INTS10: variants seen among roughly 807,000 people sequenced by gnomAD.
The protein encoded by INTS10 is integrator complex subunit 10.
INTS10 carries 44 observed loss-of-function variants against 94.4 expected under a neutral mutation model. That is an observed-to-expected ratio of 0.47 (90% CI 0.37 to 0.60). The LOEUF (loss-of-function observed/expected upper bound fraction) is 0.60. Ranked by LOEUF, INTS10 falls within the 20% of genes least tolerant of loss-of-function variation. The probability of loss-of-function intolerance (pLI) is 0.00; values close to 1 mark genes in which losing one functional copy is unlikely to be tolerated. For missense variants in INTS10, 797 were observed against 868.7 expected (o/e 0.92, Z 1.04); for synonymous variants, 341 against 320.7 (o/e 1.06, Z -0.68).
In INTS10 at chr8:19,843,019, A is replaced by C. The variant is rs544420447; in HGVS notation, c.1719+92A>C. The stretch of plus-strand genomic sequence containing the variant: ...CTTGAGAACCTTGCTAAGGATTGTT[A>C]TTTTAGTACTTTTGAGGGCAGGCCC... On this transcript the variant is annotated intron_variant, in intron 14 of 16. Coordinates refer to ENST00000397977, the MANE Select transcript of INTS10 (RefSeq NM_018142.4). The surrounding 1 kb of genome is among the most constrained non-coding windows in gnomAD (Gnocchi z 4.7). 9.6e-5 allele frequency: 88 copies of C among 916,928 alleles called. 1 individual carries two copies. The South Asian group carries it at 1.2e-3, about 12-fold the overall frequency. The allele number at this position is 916,928 out of a possible 1,614,324, so 56.8% of individuals were successfully genotyped here.
Position 19,820,503 on chromosome 8 carries a change from G to T in INTS10, c.426G>T (p.Thr142=). The T allele has an allele frequency of 6.2e-7, 1 of 1,612,366 alleles. No individual in the cohort carries two copies. Among genetic ancestry groups the T allele is most frequent in the South Asian group, 1.1e-5 (1 of 90,946 alleles). ...TACTTTTGAGGCGCTTCCCTGAAACGGTGGTGCAGCATGGGGTGAGATTTG... is the reference window on the plus strand; with the variant it reads ...TACTTTTGAGGCGCTTCCCTGAAACTGTGGTGCAGCATGGGGTGAGATTTG... ...LLLLLRRFPE[T]VVQHGVGLGE... The change falls in exon 4 of 17, where the codon ACG becomes ACT. Residue 142 remains threonine, a synonymous_variant. Transcript: ENST00000397977.
chr8:19,820,648 G>T, intron 4 of INTS10, 130 bp downstream of exon 4: 1 of 714,456 alleles, frequency 1.4e-6, no homozygotes, highest in Non-Finnish European at 2.1e-6. Flanking sequence ...TGAAATAGAA[G>T]GTTCTTTGTT....
chr8:19,841,689 TAA>T (rs1315755737), intron 13 of INTS10: 2 of 397,006 alleles, frequency 5.0e-6, no homozygotes, highest in Non-Finnish European at 1.0e-5. Flanking sequence ...GGAAGGTGTA[TAA>T]AGTCATGCAA....
In INTS10 at chr8:19,837,136, A is replaced by G; in HGVS notation, c.1615A>G (p.Lys539Glu). Reference sequence around the variant, plus strand: ...AGGCAAATCCCAGGAGGAACCCTCGAAAGTAAAGCCCAAATTTAGAAAAGG... The same window carrying G: ...AGGCAAATCCCAGGAGGAACCCTCGGAAGTAAAGCCCAAATTTAGAAAAGG... ...DGGKSQEEPSKVKPKFRKGSD... is the reference protein window; with the variant it reads ...DGGKSQEEPSEVKPKFRKGSD... The change falls in exon 13 of 17, where the codon AAA becomes GAA. Residue 539 changes from lysine (K) to glutamate (E), a missense_variant. Physicochemically the swap from Lys to Glu is moderately conservative, Grantham distance 56. Transcript: ENST00000397977. 1 of 1,610,338 alleles carries G rather than the reference A, an allele frequency of 6.2e-7. No individual in the cohort carries two copies. Among genetic ancestry groups the G allele is most frequent in the Non-Finnish European group, 8.5e-7 (1 of 1,176,494 alleles).
At position 19,851,334 on chromosome 8, in the gene INTS10, G is replaced by A. The variant is rs536138692; in HGVS notation, c.1977-315G>A. 1.3e-5 allele frequency among the ~76,000 whole-genome samples: 2 copies of A among 152,312 alleles called. No homozygotes were observed. Among genetic ancestry groups the A allele is most frequent in the Non-Finnish European group, 2.9e-5 (2 of 68,026 alleles). ...ATTTGGCCCTAAGTAACTGAATTGTGTACCAGTCAGCAGTAGGGATGCATA... is the reference window on the plus strand; with the variant it reads ...ATTTGGCCCTAAGTAACTGAATTGTATACCAGTCAGCAGTAGGGATGCATA... On this transcript the variant is annotated intron_variant, in intron 16 of 16. Coordinates refer to ENST00000397977, the MANE Select transcript of INTS10 (RefSeq NM_018142.4). The surrounding 1 kb of genome is among the most constrained non-coding windows in gnomAD (Gnocchi z 5.0).
chr8:19,829,318 A>T (rs1355714764), intron 9 of INTS10, among the ~76,000 whole-genome samples: 5 of 151,934 alleles, frequency 3.3e-5, no homozygotes. Context: ...AAAGATTGAG[A>T]AAATTCTTAG....
chr8:19,824,857 C>G lies in INTS10; in HGVS notation c.891C>G (p.Asn297Lys). The G allele has an allele frequency of 3.1e-6, 5 of 1,612,900 alleles. No homozygotes were observed. Among genetic ancestry groups the G allele is most frequent in the Non-Finnish European group, 4.2e-6 (5 of 1,178,934 alleles). ...AGGATCTCTGCAGATACATGAACAA[C>G]TTTGATAGTGAAGCACATGCAAAAT... ...RMKDLCRYMN[N>K]FDSEAHAKYK... Residue 297 changes from asparagine (N) to lysine (K), a missense_variant, in exon 8 of 17, where the codon AAC (asparagine) becomes AAG (lysine). Asn to Lys is a moderately conservative substitution (Grantham distance 94, BLOSUM62 0). This residue lies in a region of INTS10 where 734 missense variants were observed against 787.8 expected (regional missense o/e 0.93). Transcript: ENST00000397977.
intron 13 of INTS10, chr8:19,841,725 T>C: frequency 2.3e-6 from 1 of 428,248 alleles, no homozygotes; most frequent in South Asian, 1.7e-5. Flanking sequence ...CAACTTCCCA[T>C]GACCAAGTTG....
intron 8 of INTS10, 143 bp downstream of exon 8, chr8:19,825,115 T>C (rs916825210): frequency 5.8e-6 from 4 of 684,922 alleles, no homozygotes; most frequent in Non-Finnish European, 9.8e-6. Flanking sequence ...CGATTTAGTT[T>C]TGTTTAGTTT....
intron 13 of INTS10, among the ~76,000 whole-genome samples, chr8:19,842,187 G>A (rs754772240): frequency 3.9e-5 from 6 of 152,160 alleles, no homozygotes; most frequent in African/African-American, 1.2e-4. Context: ...CTCTGTAAAA[G>A]GAATGCAGAC....
At chr8:19,842,260 G>C (rs1275620256) in intron 13 of INTS10, among the ~76,000 whole-genome samples, 1 of 152,176 alleles carries the variant, frequency 6.6e-6, no homozygotes, top group Non-Finnish European at 1.5e-5. Context: ...ATATTGACCA[G>C]TTGATAAATC....
At chr8:19,844,719 C>G (rs952911695) in intron 15 of INTS10, among the ~76,000 whole-genome samples, 1 of 152,170 alleles carries the variant, frequency 6.6e-6, no homozygotes. Context: ...ACAGTAGCTG[C>G]TTCTGACATT....
intron 9 of INTS10, among the ~76,000 whole-genome samples, chr8:19,827,552 G>A (rs2066900646): frequency 6.6e-6 from 1 of 152,094 alleles, no homozygotes; most frequent in Non-Finnish European, 1.5e-5. Context: ...TAGTGCCTGG[G>A]CTGGAGCAGG....
At chr8:19,829,531 A>G (rs1361517692) in intron 9 of INTS10, among the ~76,000 whole-genome samples, 1 of 152,242 alleles carries the variant, frequency 6.6e-6, no homozygotes, top group African/African-American at 2.4e-5. Flanking sequence ...GTAAGTGCAG[A>G]CAAATGTACT....
In INTS10 at chr8:19,849,890, T is replaced by C. The variant is rs573119377; in HGVS notation, c.1977-1759T>C. ...TATAATTGAATTGTGCCACTCTTTA[T>C]ATATGGAGATAATACAAATTGGACC... On this transcript the variant is annotated intron_variant, in intron 16 of 16. Coordinates refer to ENST00000397977, the MANE Select transcript of INTS10 (RefSeq NM_018142.4). The surrounding 1 kb of genome is among the most constrained non-coding windows in gnomAD (Gnocchi z 4.6). Among the ~76,000 whole-genome samples the C allele has an allele frequency of 1.3e-5, 2 of 152,268 alleles. No individual in the cohort carries two copies. Among genetic ancestry groups the C allele is most frequent in the South Asian group, 2.1e-4 (1 of 4,826 alleles).
intron 16 of INTS10, among the ~76,000 whole-genome samples, chr8:19,847,739 G>A (rs190341366): frequency 6.9e-4 from 105 of 152,296 alleles, no homozygotes; most frequent in Non-Finnish European, 1.1e-3. Context: ...GAGCTGAAGA[G>A]TGACATAAGT....
intron 1 of INTS10, 78 bp from the exon 2 acceptor site, chr8:19,818,192 AGGAGG>A: frequency 7.6e-7 from 1 of 1,320,242 alleles, no homozygotes. Context: ...CCCTTCCTGC[AGGAGG>A]GCCAACGAGC....
chr8:19,844,153 G>C lies in INTS10; in HGVS notation c.1797G>C (p.Arg599=). Residue 599 remains arginine, a synonymous_variant, in exon 15 of 17, where the codon CGG becomes CGC. Coordinates refer to ENST00000397977, the MANE Select transcript of INTS10 (RefSeq NM_018142.4). The part of the protein sequence containing the change: ...VIVLLQQEWP[R]GENLFLKAVN... ...TGTTGCTTCAGCAAGAGTGGCCACG[G>C]GGCGAGAATCTTTTCCTGAAAGCTG... 1 of 1,613,898 alleles carries C rather than the reference G, an allele frequency of 6.2e-7. No individual in the cohort carries two copies. The highest frequency in any genetic ancestry group is 1.1e-5 in the South Asian group (1 of 91,074).
At chr8:19,841,480 A>G (rs1224826418) in intron 13 of INTS10, among the ~76,000 whole-genome samples, 1 of 152,196 alleles carries the variant, frequency 6.6e-6, no homozygotes, top group African/African-American at 2.4e-5. Context: ...CAATTATCCA[A>G]TCCCCATAGA....
Sources: gnomAD v4.1 joint callset for allele counts (sites outside exome capture counted in the v4.1 genomes callset) on GRCh38, gnomAD v4.1.1 for gene constraint, gnomAD v4.1.1 regional missense constraint, Gnocchi (gnomAD v3.1) non-coding constraint, MANE v1.5 for transcripts, NCBI Gene and HGNC (gene_info 2026-07-23, HGNC 2026-07-21) for gene names.